Variants in CACNB4 observed in about 807,000 individuals in gnomAD.
CACNB4 encodes the protein voltage-dependent L-type calcium channel subunit beta-4.
A neutral mutation model predicts 71.2 loss-of-function variants in CACNB4; 32 were observed. The observed-to-expected ratio is 0.45, with a 90% CI of 0.34 to 0.60. CACNB4 has a LOEUF of 0.60. Among genes scored for constraint, CACNB4 ranks in the 20% least tolerant of loss-of-function variants. The pLI is 0.01. For missense variants in CACNB4, 464 were observed against 647.9 expected (o/e 0.72, Z 3.08); for synonymous variants, 231 against 236.9 (o/e 0.97, Z 0.23).
At chr2:151,852,226 G>A (rs1283039162) in intron 12 of CACNB4, 3 of 152,192 alleles carry the variant, frequency 2.0e-5, no homozygotes, top group Non-Finnish European at 4.4e-5. Flanking sequence ...TATCTCACCA[G>A]GTAACTGTGA....
chr2:151,946,294 A>G (rs1376455785), intron 2 of CACNB4, among the ~76,000 whole-genome samples: 1 of 150,580 alleles, frequency 6.6e-6, no homozygotes, highest in Non-Finnish European at 1.5e-5. Context: ...GCGCCATTGC[A>G]CTCCAGCCCG....
chr2:151,932,013 G>A (rs553490962), intron 2 of CACNB4, among the ~76,000 whole-genome samples: 23 of 152,218 alleles, frequency 1.5e-4, no homozygotes, highest in Admixed American at 4.6e-4. Flanking sequence ...ATTTGCACAT[G>A]ATTGAGCATG....
At chr2:152,089,936 A>G (rs537459548) in intron 2 of CACNB4, among the ~76,000 whole-genome samples, 187 of 152,338 alleles carry the variant, frequency 1.2e-3, no homozygotes, top group African/African-American at 4.3e-3. Context: ...AGCAGAGGCC[A>G]AACACAGAGG....
chr2:152,041,582 T>C (rs1684876172), intron 2 of CACNB4, among the ~76,000 whole-genome samples: 1 of 152,178 alleles, frequency 6.6e-6, no homozygotes, highest in Non-Finnish European at 1.5e-5. Context: ...TTCTGAGTTT[T>C]GATAGGAGAC....
intron 2 of CACNB4, among the ~76,000 whole-genome samples, chr2:151,955,089 T>C (rs1024990865): frequency 2.0e-5 from 3 of 151,932 alleles, no homozygotes; most frequent in Non-Finnish European, 4.4e-5. Flanking sequence ...TCTCCTGACC[T>C]TGTGATCCGC....
At chr2:151,856,151 G>GTT (rs59011015) in intron 10 of CACNB4, among the ~76,000 whole-genome samples, 2,228 of 140,836 alleles carry the variant, frequency 0.016, 41 homozygotes, top group African/African-American at 0.046. Context: ...AAGCAATCCA[G>GTT]TTTTTTTTTT....
intron 2 of CACNB4, among the ~76,000 whole-genome samples, chr2:152,042,919 A>G (rs954396896): frequency 2.6e-5 from 4 of 152,182 alleles, no homozygotes; most frequent in Non-Finnish European, 5.9e-5. Flanking sequence ...ACCAAAACCA[A>G]GATGGAGAGG....
chr2:151,987,679 C>T (rs916478460), intron 2 of CACNB4, among the ~76,000 whole-genome samples: 3 of 149,340 alleles, frequency 2.0e-5, no homozygotes, highest in Admixed American at 6.6e-5. Flanking sequence ...CACTGTAAAT[C>T]GCCATGCCAG....
chr2:152,006,284 TAC>T (rs1682717848), intron 2 of CACNB4, among the ~76,000 whole-genome samples: 1 of 152,154 alleles, frequency 6.6e-6, no homozygotes, highest in African/African-American at 2.4e-5. Context: ...CAGTCCATAC[TAC>T]TCCCTGTCAC....
At chr2:152,055,814 T>C (rs1314017566) in intron 2 of CACNB4, among the ~76,000 whole-genome samples, 1 of 152,132 alleles carries the variant, frequency 6.6e-6, no homozygotes. Context: ...ATTTTCAAAC[T>C]TTGACTACTA....
chr2:152,056,621 C>G (rs1340220695), intron 2 of CACNB4, among the ~76,000 whole-genome samples: 5 of 152,160 alleles, frequency 3.3e-5, no homozygotes, highest in Non-Finnish European at 7.3e-5. Flanking sequence ...ATAGACTCTA[C>G]CTGTGTGTGA....
intron 2 of CACNB4, among the ~76,000 whole-genome samples, chr2:152,094,200 G>T (rs1688139160): frequency 6.6e-6 from 1 of 152,214 alleles, no homozygotes; most frequent in East Asian, 1.9e-4. Context: ...TATCAGGAAG[G>T]TTAGAAGAGG....
chr2:152,057,096 T>A (rs1473608939), intron 2 of CACNB4, among the ~76,000 whole-genome samples: 2 of 152,202 alleles, frequency 1.3e-5, no homozygotes, highest in East Asian at 3.9e-4. Context: ...TGTCATCTTG[T>A]TATTAATAGC....
intron 2 of CACNB4, among the ~76,000 whole-genome samples, chr2:151,942,656 G>A: frequency 7.3e-6 from 1 of 136,162 alleles, no homozygotes; most frequent in Non-Finnish European, 1.5e-5. Flanking sequence ...TTCCTAGCAA[G>A]GAATATTAAT....
At chr2:151,916,565 G>C (rs1176097819) in intron 2 of CACNB4, among the ~76,000 whole-genome samples, 1 of 152,146 alleles carries the variant, frequency 6.6e-6, no homozygotes, top group Non-Finnish European at 1.5e-5. Flanking sequence ...ATCTTATCTT[G>C]ATTACAAATT....
At chr2:151,982,387 A>T (rs577030770) in intron 2 of CACNB4, among the ~76,000 whole-genome samples, 4 of 152,234 alleles carry the variant, frequency 2.6e-5, no homozygotes, top group East Asian at 1.9e-4. Context: ...TAATCCCAGC[A>T]CTTTGGGAGG....
chr2:152,097,671 C>T (rs1688347127), intron 2 of CACNB4, among the ~76,000 whole-genome samples: 1 of 152,192 alleles, frequency 6.6e-6, no homozygotes, highest in African/African-American at 2.4e-5. Context: ...TAGAACCACG[C>T]AGGAGAAAGC....
chr2:152,078,740 T>C (rs1197629533), intron 2 of CACNB4, among the ~76,000 whole-genome samples: 1 of 152,218 alleles, frequency 6.6e-6, no homozygotes, highest in African/African-American at 2.4e-5. Flanking sequence ...AATCTAAATG[T>C]TGAAAATGGC....
intron 2 of CACNB4, among the ~76,000 whole-genome samples, chr2:151,937,393 T>G (rs936515881): frequency 1.3e-5 from 2 of 152,166 alleles, no homozygotes; most frequent in Non-Finnish European, 2.9e-5. Context: ...ATATTAAGCT[T>G]TTTTTCAGCT....
Sources: allele counts gnomAD v4.1 joint callset (sites outside exome capture counted in the v4.1 genomes callset), GRCh38; gene constraint gnomAD v4.1.1; transcripts MANE v1.5; gene names NCBI Gene and HGNC (gene_info 2026-07-23, HGNC 2026-07-21).